The following RNF152 variants were observed in gnomAD, a reference collection of about 807,000 sequenced individuals.
The protein encoded by RNF152 is E3 ubiquitin-protein ligase RNF152.
A neutral mutation model predicts 12.7 loss-of-function variants in RNF152; 11 were observed. The observed-to-expected ratio is 0.86, with a 90% CI of 0.54 to 1.43. RNF152 has a LOEUF of 1.43. RNF152 is among the 40% of genes most tolerant of loss of function. RNF152 has a pLI of 0.00. For synonymous variants in RNF152, 113 were observed against 120.3 expected (o/e 0.94, Z 0.40); for missense variants, 255 against 274.8 (o/e 0.93, Z 0.51).
At chr18:61,845,928 C>T (rs9963954) in intron 1 of RNF152, among the ~76,000 whole-genome samples, 4 of 145,232 alleles carry the variant, frequency 2.8e-5, no homozygotes, top group East Asian at 4.1e-4. Context: ...TGTGGGGGGG[C>T]GTGGTGATGA....
chr18:61,850,557 G>A (rs557941538), intron 1 of RNF152, among the ~76,000 whole-genome samples: 1 of 152,242 alleles, frequency 6.6e-6, no homozygotes, highest in Admixed American at 6.5e-5. Flanking sequence ...TAAATTTCAA[G>A]TTACTGAGAG....
At chr18:61,830,171 A>G (rs55829309) in intron 1 of RNF152, among the ~76,000 whole-genome samples, 61,743 of 151,346 alleles carry the variant, frequency 0.41, 12,747 homozygotes, top group Non-Finnish European at 0.46. Flanking sequence ...ACAGGCACAC[A>G]CCACTGTAGT....
intron 1 of RNF152, among the ~76,000 whole-genome samples, chr18:61,820,093 G>T (rs1204741272): frequency 2.7e-5 from 4 of 150,694 alleles, no homozygotes; most frequent in Non-Finnish European, 5.9e-5. Flanking sequence ...ACTTTGGGAG[G>T]CTGAGGCAGG....
At position 61,813,018 on chromosome 18, in the gene RNF152, C is replaced by G. The variant is rs1167704611; in HGVS notation, c.*2834G>C. The G allele has an allele frequency of 6.6e-6, 1 of 152,126 alleles. No homozygotes were observed. Among genetic ancestry groups the G allele is most frequent in the Non-Finnish European group, 1.5e-5 (1 of 68,054 alleles). 9.4% of individuals were successfully genotyped at this position (152,126 alleles called of 1,614,324 possible). ...CCTTTCTGCAGAATTACAAAACGGACTCATCTACAAAATGAAGCCACCGGA... is the reference window on the plus strand; with the variant it reads ...CCTTTCTGCAGAATTACAAAACGGAGTCATCTACAAAATGAAGCCACCGGA... On this transcript the variant is annotated 3_prime_UTR_variant, in exon 2 of 2. Coordinates refer to ENST00000312828, the MANE Select transcript of RNF152 (RefSeq NM_173557.3).
At chr18:61,824,101 C>T (rs999914154) in intron 1 of RNF152, among the ~76,000 whole-genome samples, 2 of 152,190 alleles carry the variant, frequency 1.3e-5, no homozygotes, top group African/African-American at 4.8e-5. Context: ...GGAATCTAGA[C>T]ATTTTTAGGA....
intron 1 of RNF152, among the ~76,000 whole-genome samples, chr18:61,885,303 G>A (rs1912636031): frequency 8.9e-6 from 1 of 112,010 alleles, no homozygotes; most frequent in Non-Finnish European, 1.9e-5. Context: ...CTTTCAAACT[G>A]AGAGTGTTTT....
chr18:61,873,052 G>C (rs574919497), intron 1 of RNF152, among the ~76,000 whole-genome samples: 1 of 152,258 alleles, frequency 6.6e-6, no homozygotes, highest in South Asian at 2.1e-4. Flanking sequence ...CTACGTACCA[G>C]ATTTGGGGTT....
At chr18:61,862,244 C>T (rs1336593783) in intron 1 of RNF152, among the ~76,000 whole-genome samples, 2 of 152,216 alleles carry the variant, frequency 1.3e-5, no homozygotes, top group Non-Finnish European at 2.9e-5. Context: ...AGATGCAGTA[C>T]TTTCATGTCT....
chr18:61,831,937 G>A (rs566873219), intron 1 of RNF152, among the ~76,000 whole-genome samples: 245 of 152,118 alleles, frequency 1.6e-3, no homozygotes, highest in Non-Finnish European at 2.4e-3. Flanking sequence ...GGGTGTGGGT[G>A]TGTATAGGGG....
intron 1 of RNF152, among the ~76,000 whole-genome samples, chr18:61,876,334 T>C (rs1912213275): frequency 6.6e-6 from 1 of 152,140 alleles, no homozygotes; most frequent in African/African-American, 2.4e-5. Context: ...CATCTTGGTA[T>C]AAAAATAACC....
At chr18:61,839,981 C>T (rs955483680) in intron 1 of RNF152, among the ~76,000 whole-genome samples, 3 of 152,208 alleles carry the variant, frequency 2.0e-5, no homozygotes, top group Non-Finnish European at 4.4e-5. Context: ...CTCCAGGGAG[C>T]CCTGGCTCCT....
In RNF152 at chr18:61,809,610, G is replaced by A. The variant is rs1293847761; in HGVS notation, c.*6242C>T. 2.6e-5 allele frequency: 4 copies of A among 152,126 alleles called. No individual in the cohort carries two copies. The highest frequency in any genetic ancestry group is 2.0e-4 in the Admixed American group (3 of 15,276). 9.4% of individuals were successfully genotyped at this position (152,126 alleles called of 1,614,324 possible). ...GAAATAAATTTGGAGCAGTGTTCTA[G>A]AACAAAGACAGCTACAGGGAAGCAC... On this transcript the variant is annotated 3_prime_UTR_variant, in exon 2 of 2. Coordinates refer to ENST00000312828, the MANE Select transcript of RNF152 (RefSeq NM_173557.3).
chr18:61,859,600 C>T (rs894278173), intron 1 of RNF152, among the ~76,000 whole-genome samples: 2 of 152,114 alleles, frequency 1.3e-5, no homozygotes, highest in Non-Finnish European at 2.9e-5. Flanking sequence ...ACACCTAGGC[C>T]GGGCACGGTG....
At chr18:61,842,029 A>G (rs9962876) in intron 1 of RNF152, among the ~76,000 whole-genome samples, 5,816 of 152,340 alleles carry the variant, frequency 0.038, 389 homozygotes, top group African/African-American at 0.13. Context: ...CCAGGGCTAT[A>G]CTAAAAGGTA....
At chr18:61,860,404 A>G (rs1490053377) in intron 1 of RNF152, among the ~76,000 whole-genome samples, 1 of 152,260 alleles carries the variant, frequency 6.6e-6, no homozygotes, top group African/African-American at 2.4e-5. Context: ...AACAGATCAC[A>G]TAGAAGATGC....
rs1908999869 is a variant in RNF152, at chr18:61,815,122, G to C, written c.*730C>G. ...TGGCTTGAGGAAAATCGGCATACAG[G>C]TTTTCCCATGGGATTAGACATTTCT... On this transcript the variant is annotated 3_prime_UTR_variant, in exon 2 of 2. Transcript: ENST00000312828. The C allele has an allele frequency of 6.6e-6, 1 of 152,436 alleles. No individual in the cohort carries two copies. The highest frequency in any genetic ancestry group is 1.5e-5 in the Non-Finnish European group (1 of 68,018). 9.4% of individuals were successfully genotyped at this position (152,436 alleles called of 1,614,324 possible).
intron 1 of RNF152, among the ~76,000 whole-genome samples, chr18:61,839,161 A>G (rs1336374759): frequency 6.6e-6 from 1 of 152,148 alleles, no homozygotes; most frequent in Non-Finnish European, 1.5e-5. Context: ...TATTTTCTAC[A>G]TAACTGCAGT....
chr18:61,844,110 GAAAGAA>G (rs1555702354), intron 1 of RNF152, among the ~76,000 whole-genome samples: 1 of 136,932 alleles, frequency 7.3e-6, no homozygotes, highest in East Asian at 2.1e-4. Context: ...AAGAAAGAAA[GAAAGAA>G]AGAAAGAAAG....
intron 1 of RNF152, among the ~76,000 whole-genome samples, chr18:61,836,383 A>G (rs1372261515): frequency 2.0e-5 from 3 of 152,110 alleles, no homozygotes; most frequent in African/African-American, 4.8e-5. Flanking sequence ...CTAATCCCCA[A>G]TGTGATGACA....
Sources: gnomAD v4.1 joint callset for allele counts (sites outside exome capture counted in the v4.1 genomes callset) on GRCh38, gnomAD v4.1.1 for gene constraint, MANE v1.5 for transcripts, NCBI Gene and HGNC (gene_info 2026-07-23, HGNC 2026-07-21) for gene names.